Variants in TENM1 observed in about 807,000 individuals in gnomAD.
TENM1 encodes teneurin transmembrane protein 1.
A neutral mutation model predicts 174.8 loss-of-function variants in TENM1; 35 were observed. The observed-to-expected ratio is 0.20, with a 90% CI of 0.15 to 0.27. The LOEUF (loss-of-function observed/expected upper bound fraction) is 0.27. TENM1 is among the 10% of genes least tolerant of loss of function. The probability of loss-of-function intolerance (pLI) is 1.00; values close to 1 mark genes in which losing one functional copy is unlikely to be tolerated. For missense variants in TENM1, 1,633 were observed against 2,130.1 expected (o/e 0.77, Z 4.59); for synonymous variants, 781 against 798.7 (o/e 0.98, Z 0.37).
chrX:124,449,624 A>G (rs1350174088), intron 23 of TENM1, among the ~76,000 whole-genome samples: 1 of 111,677 alleles, frequency 9.0e-6, no homozygotes, highest in East Asian at 2.8e-4. Flanking sequence ...ATACATTCAC[A>G]CCCTTCTTTA....
exon 26 of TENM1, chrX:124,406,380 G>A (rs2060462844): frequency 8.3e-7 from 1 of 1,209,317 alleles, no homozygotes; most frequent in Non-Finnish European, 1.1e-6. Context: ...ACATTTTCAC[G>A]GTTGGAAGTA....
intron 11 of TENM1, among the ~76,000 whole-genome samples, chrX:124,632,233 T>C (rs908335649): frequency 9.1e-6 from 1 of 110,291 alleles, no homozygotes; most frequent in African/African-American, 3.3e-5. Context: ...TAAGAAAGGA[T>C]ATTGGGGTGT....
chrX:125,098,413 G>C, the TENM1 span, among the ~76,000 whole-genome samples: 1 of 112,145 alleles, frequency 8.9e-6, no homozygotes, highest in Non-Finnish European at 1.9e-5. Context: ...CTTCAATGCT[G>C]AAATTTACTT....
intron 3 of TENM1, among the ~76,000 whole-genome samples, chrX:124,780,176 T>A (rs1362208043): frequency 8.9e-6 from 1 of 111,974 alleles, no homozygotes; most frequent in Admixed American, 9.5e-5. Flanking sequence ...AAAATTGCAT[T>A]TTCAAACTCC....
chrX:124,896,344 T>C (rs1479205873), intron 1 of TENM1, 103 bp from the exon 5 acceptor site: 3 of 906,121 alleles, frequency 3.3e-6, no homozygotes, highest in Admixed American at 6.2e-5. Context: ...TTGGTAGTAA[T>C]TACGTGTTTT....
At chrX:125,008,901 A>T in the TENM1 span, among the ~76,000 whole-genome samples, 1,779 of 111,500 alleles carry the variant, frequency 0.016, 40 homozygotes, top group African/African-American at 0.053. Context: ...AGGGAAAGTT[A>T]TAGCACTAAA....
rs189268408 is a variant in TENM1, at chrX:124,849,880, C to T, written c.535+44416G>A. ...ACTCAATCAGCTATTTTGTTTACTACTTTCTGATACTAAACTACCACCAAA... is the reference window on the plus strand; with the variant it reads ...ACTCAATCAGCTATTTTGTTTACTATTTTCTGATACTAAACTACCACCAAA... On this transcript the variant is annotated intron_variant, in intron 3 of 31. Transcript: ENST00000422452. Among the ~76,000 whole-genome samples, 11 of 112,165 alleles carry T rather than the reference C, an allele frequency of 9.8e-5. No homozygotes were observed. The East Asian group carries it at 2.5e-3, about 26-fold the overall frequency.
At chrX:124,798,549 T>G (rs2055363118) in intron 3 of TENM1, among the ~76,000 whole-genome samples, 1 of 112,020 alleles carries the variant, frequency 8.9e-6, no homozygotes, top group African/African-American at 3.2e-5. Flanking sequence ...TTTTTTTTCT[T>G]ATAAATTTCT....
intron 25 of TENM1, among the ~76,000 whole-genome samples, chrX:124,418,588 T>A (rs1203203866): frequency 8.9e-6 from 1 of 112,126 alleles, no homozygotes; most frequent in Admixed American, 9.5e-5. Flanking sequence ...ATAAGTTCCA[T>A]AAAAGTAGGG....
At chrX:124,837,143 C>T (rs2056407951) in intron 3 of TENM1, among the ~76,000 whole-genome samples, 1 of 112,498 alleles carries the variant, frequency 8.9e-6, no homozygotes, top group African/African-American at 3.2e-5. Flanking sequence ...GGCAACAGTG[C>T]AATGGCATGG....
chrX:124,451,820 T>C lies in TENM1; in HGVS notation c.4104+1517A>G, dbSNP rs773508446. On this transcript the variant is annotated intron_variant, in intron 23 of 31. Transcript: ENST00000422452. Reference sequence around the variant, plus strand: ...GTGCTGGGAAAACTGGCTAGCCATATGGAGAAAGCTGAAACTGGATCCCTT... The same window carrying C: ...GTGCTGGGAAAACTGGCTAGCCATACGGAGAAAGCTGAAACTGGATCCCTT... 8.9e-5 allele frequency among the ~76,000 whole-genome samples: 10 copies of C among 112,034 alleles called. No homozygotes were observed. In the East Asian group the frequency reaches 2.5e-3, roughly 28 times the overall value.
chrX:125,069,585 C>T, the TENM1 span, among the ~76,000 whole-genome samples: 1 of 110,093 alleles, frequency 9.1e-6, no homozygotes, highest in African/African-American at 3.3e-5. Context: ...AAACAACACA[C>T]TCCGGGGCCT....
At chrX:125,119,673 G>A in the TENM1 span, among the ~76,000 whole-genome samples, 1 of 110,907 alleles carries the variant, frequency 9.0e-6, no homozygotes, top group Admixed American at 9.7e-5. Flanking sequence ...TGCTCTGCCT[G>A]ATTACTAAAT....
chrX:124,384,314 C>T lies in TENM1; in HGVS notation c.6617G>A (p.Arg2206Gln), dbSNP rs149604364. 26 of 1,206,573 alleles carry T rather than the reference C, an allele frequency of 2.2e-5. No individual in the cohort carries two copies. In the African/African-American group the frequency reaches 4.1e-4, roughly 19 times the overall value. ...TTCTCCTAATCTGGTGATGCGGTCT[C>T]GGAGGTCATATCGGAGAGGAGTAAG... Residue 2206 changes from arginine (R) to glutamine (Q), a missense_variant, in exon 30 of 32, where the codon CGA becomes CAA. Arg to Gln is a conservative substitution (Grantham distance 43). This residue lies in a region of TENM1 where 807 missense variants were observed against 1,125.3 expected (regional missense o/e 0.72). Transcript: ENST00000422452.
At chrX:124,618,419 C>T (rs2050443914) in intron 11 of TENM1, among the ~76,000 whole-genome samples, 2 of 111,638 alleles carry the variant, frequency 1.8e-5, no homozygotes, top group South Asian at 3.7e-4. Flanking sequence ...TTTTTCTGCA[C>T]ATTTTCTGTT....
chrX:124,753,876 C>G (rs1260099735), intron 3 of TENM1, among the ~76,000 whole-genome samples: 2 of 111,578 alleles, frequency 1.8e-5, no homozygotes, highest in Non-Finnish European at 3.8e-5. Context: ...TGATGTGCTG[C>G]TGGATTCAAT....
chrX:124,641,139 G>C (rs1009310867), intron 11 of TENM1, among the ~76,000 whole-genome samples: 2 of 110,945 alleles, frequency 1.8e-5, no homozygotes, highest in Admixed American at 1.9e-4. Flanking sequence ...GGTTCATTAA[G>C]GGTAAGGAGA....
intron 3 of TENM1, among the ~76,000 whole-genome samples, chrX:124,745,809 T>C (rs1280814320): frequency 2.7e-5 from 3 of 110,791 alleles, no homozygotes; most frequent in Non-Finnish European, 5.7e-5. Flanking sequence ...TATTCTCATA[T>C]GAGTAACATG....
At chrX:124,487,146 T>C in intron 21 of TENM1, 63 bp downstream of exon 24, 1 of 1,058,705 alleles carries the variant, frequency 9.4e-7, no homozygotes, top group African/African-American at 1.9e-5. Flanking sequence ...ATTAACACAT[T>C]ATCAGGAGGT....
Sources: allele counts gnomAD v4.1 joint callset (sites outside exome capture counted in the v4.1 genomes callset), GRCh38; gene constraint gnomAD v4.1.1; regional missense constraint gnomAD v4.1.1; transcripts MANE v1.5; gene names NCBI Gene and HGNC (gene_info 2026-07-23, HGNC 2026-07-21).